ZNF385D: variants seen among roughly 807,000 people sequenced by gnomAD.
ZNF385D encodes zinc finger protein 659.
A neutral mutation model predicts 35.8 loss-of-function variants in ZNF385D; 15 were observed. That is an observed-to-expected ratio of 0.42 (90% confidence interval 0.28 to 0.64). ZNF385D has a LOEUF of 0.64. ZNF385D is among the 30% of genes least tolerant of loss of function. The probability of loss-of-function intolerance (pLI) is 0.23; values close to 1 mark genes in which losing one functional copy is unlikely to be tolerated. For synonymous variants in ZNF385D, 212 were observed against 186.8 expected (o/e 1.13, Z -1.10); for missense variants, 474 against 494.6 (o/e 0.96, Z 0.39).
At chr3:21,441,268 C>A (rs886861481) in intron 4 of ZNF385D, among the ~76,000 whole-genome samples, 1 of 152,040 alleles carries the variant, frequency 6.6e-6, no homozygotes, top group South Asian at 2.1e-4. Context: ...AGCTAATCAT[C>A]GTGGAAGCAC....
chr3:21,784,656 T>G (rs2071617212), intron 3 of ZNF385D, among the ~76,000 whole-genome samples: 1 of 151,918 alleles, frequency 6.6e-6, no homozygotes, highest in Non-Finnish European at 1.5e-5. Context: ...ATTAATGTAT[T>G]TTTAAATTGT....
chr3:21,993,689 G>T (rs907255918), intron 3 of ZNF385D, among the ~76,000 whole-genome samples: 5 of 152,032 alleles, frequency 3.3e-5, no homozygotes, highest in Non-Finnish European at 7.4e-5. Context: ...ATTAAGTTTT[G>T]CTGGGAATCA....
intron 3 of ZNF385D, among the ~76,000 whole-genome samples, chr3:21,970,703 G>C (rs568787654): frequency 6.6e-6 from 1 of 152,064 alleles, no homozygotes; most frequent in East Asian, 1.9e-4. Flanking sequence ...CAATATCTAA[G>C]TACAAGAAGT....
At chr3:21,634,336 G>T (rs1319759031) in intron 2 of ZNF385D, among the ~76,000 whole-genome samples, 2 of 149,096 alleles carry the variant, frequency 1.3e-5, no homozygotes, top group Non-Finnish European at 3.0e-5. Context: ...GGAAGGAAGG[G>T]AGAGAGGAAA....
chr3:21,826,823 A>T (rs78269921), intron 3 of ZNF385D, among the ~76,000 whole-genome samples: 35 of 3,188 alleles, frequency 0.011, no homozygotes, highest in South Asian at 0.059. Context: ...CAGAAAATTA[A>T]AAAAAAAAAA....
chr3:22,321,236 CATTT>C (rs1416854232), intron 2 of ZNF385D, among the ~76,000 whole-genome samples: 1 of 130,656 alleles, frequency 7.7e-6, no homozygotes, highest in African/African-American at 2.9e-5. Flanking sequence ...CGACTATCAA[CATTT>C]AGTTATCATT....
intron 3 of ZNF385D, among the ~76,000 whole-genome samples, chr3:21,929,818 G>T (rs966737467): frequency 1.3e-5 from 2 of 151,862 alleles, no homozygotes; most frequent in Admixed American, 1.3e-4. Flanking sequence ...AATAAATAGG[G>T]AGACATTCTG....
At chr3:21,808,271 T>C (rs1318960305) in intron 3 of ZNF385D, among the ~76,000 whole-genome samples, 3 of 152,234 alleles carry the variant, frequency 2.0e-5, no homozygotes, top group Non-Finnish European at 4.4e-5. Flanking sequence ...AAACATATTT[T>C]AGGAAAAGTC....
At chr3:21,827,497 G>C (rs766627105) in intron 3 of ZNF385D, among the ~76,000 whole-genome samples, 5 of 152,126 alleles carry the variant, frequency 3.3e-5, no homozygotes, top group African/African-American at 4.8e-5. Flanking sequence ...CTTATAGTAG[G>C]TTACTGGTTT....
chr3:22,342,276 CA>C (rs766689054), intron 2 of ZNF385D, among the ~76,000 whole-genome samples: 11,526 of 53,528 alleles, frequency 0.22, 77 homozygotes, highest in Non-Finnish European at 0.29. Flanking sequence ...GACTCCGCCT[CA>C]AAAAAAAAAA....
chr3:21,666,925 A>G (rs2066425488), intron 1 of ZNF385D, among the ~76,000 whole-genome samples: 3 of 152,056 alleles, frequency 2.0e-5, no homozygotes, highest in African/African-American at 7.2e-5. Flanking sequence ...TAAAAATACA[A>G]AAATTAGCCA....
intron 3 of ZNF385D, among the ~76,000 whole-genome samples, chr3:21,988,077 T>G (rs1349945443): frequency 7.4e-6 from 1 of 135,970 alleles, no homozygotes; most frequent in Non-Finnish European, 1.6e-5. Flanking sequence ...CTTCTAAATT[T>G]TTTTCAAAGT....
intron 3 of ZNF385D, among the ~76,000 whole-genome samples, chr3:22,099,050 CAA>C: frequency 6.6e-6 from 1 of 151,458 alleles, no homozygotes; most frequent in East Asian, 1.9e-4. Flanking sequence ...AAATAGGAAG[CAA>C]AAAAAATCCA....
chr3:22,302,616 T>G (rs910105767), intron 2 of ZNF385D, among the ~76,000 whole-genome samples: 1 of 151,968 alleles, frequency 6.6e-6, no homozygotes, highest in African/African-American at 2.4e-5. Flanking sequence ...AGAATAAAAT[T>G]TTCAATTCAG....
intron 3 of ZNF385D, among the ~76,000 whole-genome samples, chr3:22,065,365 C>T (rs935634840): frequency 6.6e-6 from 1 of 152,190 alleles, no homozygotes; most frequent in African/African-American, 2.4e-5. Flanking sequence ...TCTATGCCAA[C>T]ACAGTGCTGG....
intron 3 of ZNF385D, among the ~76,000 whole-genome samples, chr3:22,072,548 G>T (rs1700279431): frequency 6.6e-6 from 1 of 151,994 alleles, no homozygotes; most frequent in Non-Finnish European, 1.5e-5. Context: ...ATTGGTTATA[G>T]AGTTGCAATT....
intron 2 of ZNF385D, among the ~76,000 whole-genome samples, chr3:22,295,696 T>C (rs1032852848): frequency 6.6e-6 from 1 of 152,178 alleles, no homozygotes; most frequent in Non-Finnish European, 1.5e-5. Flanking sequence ...CCCTTTTGAT[T>C]ACTTTATATG....
At chr3:22,109,180 A>T (rs1702382597) in intron 3 of ZNF385D, among the ~76,000 whole-genome samples, 1 of 152,200 alleles carries the variant, frequency 6.6e-6, no homozygotes, top group Non-Finnish European at 1.5e-5. Context: ...AACTAAAATC[A>T]ACTCTTGCTG....
intron 4 of ZNF385D, among the ~76,000 whole-genome samples, chr3:21,506,237 G>C (rs546471245): frequency 6.8e-6 from 1 of 146,068 alleles, no homozygotes; most frequent in East Asian, 2.0e-4. Context: ...AAAGCTCTAA[G>C]AGCCTTTTCC....
Sources: gnomAD v4.1 joint callset for allele counts (sites outside exome capture counted in the v4.1 genomes callset) on GRCh38, gnomAD v4.1.1 for gene constraint, MANE v1.5 for transcripts, NCBI Gene and HGNC (gene_info 2026-07-23, HGNC 2026-07-21) for gene names.